FAM168A: variants seen among roughly 807,000 people sequenced by gnomAD.
FAM168A encodes protein FAM168A.
In FAM168A, 3 loss-of-function variants were observed where a neutral mutation model predicts 28.5. The ratio of observed to expected loss-of-function variants is 0.11; its 90% CI spans 0.05 to 0.27. The LOEUF (loss-of-function observed/expected upper bound fraction) is 0.27. Ranked by LOEUF, FAM168A falls within the 10% of genes least tolerant of loss-of-function variation. The pLI, the probability that FAM168A is intolerant of heterozygous loss-of-function variation, is 1.00. For synonymous variants in FAM168A, 122 were observed against 124.2 expected (o/e 0.98, Z 0.12); for missense variants, 222 against 311.5 (o/e 0.71, Z 2.16).
At chr11:73,448,104 G>A (rs1867355712) in intron 2 of FAM168A, among the ~76,000 whole-genome samples, 1 of 152,176 alleles carries the variant, frequency 6.6e-6, no homozygotes, top group Non-Finnish European at 1.5e-5. Context: ...GTGGAGTACA[G>A]TGATGTGGTC....
chr11:73,411,790 TATAAA>T (rs1866616272), intron 4 of FAM168A, among the ~76,000 whole-genome samples: 1 of 152,156 alleles, frequency 6.6e-6, no homozygotes, highest in Non-Finnish European at 1.5e-5. Context: ...GGCTCTCATC[TATAAA>T]ATAAGAGGCT....
At chr11:73,444,813 CAATG>C (rs1174489188) in intron 2 of FAM168A, among the ~76,000 whole-genome samples, 3 of 152,182 alleles carry the variant, frequency 2.0e-5, no homozygotes, top group African/African-American at 2.4e-5. Flanking sequence ...TGTTGAAAAA[CAATG>C]TATGTATGTT....
At chr11:73,432,784 G>C (rs1249819082) in intron 2 of FAM168A, among the ~76,000 whole-genome samples, 1 of 152,072 alleles carries the variant, frequency 6.6e-6, no homozygotes, top group Admixed American at 6.5e-5. Flanking sequence ...GTGTGGTAGC[G>C]TGTGCCTGTA....
Position 73,485,112 on chromosome 11 carries a change from A to T in FAM168A, c.-18-16620T>A, listed in dbSNP as rs1375473604. On this transcript the variant is annotated intron_variant, in intron 1 of 7. Transcript: ENST00000356467. Reference sequence around the variant, plus strand: ...TGCATCCTTCAATCCAATCAAGTTGACACTCAGTATTAACCATCACTTTTA... The same window carrying T: ...TGCATCCTTCAATCCAATCAAGTTGTCACTCAGTATTAACCATCACTTTTA... Among the ~76,000 whole-genome samples the T allele has an allele frequency of 3.3e-5, 5 of 152,326 alleles. No individual in the cohort carries two copies. The East Asian group carries it at 9.6e-4, about 29-fold the overall frequency.
chr11:73,581,492 A>G (rs898010293), intron 1 of FAM168A, among the ~76,000 whole-genome samples: 1 of 152,228 alleles, frequency 6.6e-6, no homozygotes, highest in Middle Eastern at 3.2e-3. Context: ...AGATTCACAG[A>G]GTACTTAAAC....
chr11:73,518,693 C>T (rs1347245587), intron 1 of FAM168A, among the ~76,000 whole-genome samples: 5 of 151,946 alleles, frequency 3.3e-5, no homozygotes, highest in African/African-American at 9.7e-5. Context: ...GTCAGGAGTT[C>T]GAAACCAGCC....
intron 2 of FAM168A, among the ~76,000 whole-genome samples, chr11:73,435,045 T>C (rs1008760666): frequency 5.3e-5 from 8 of 152,238 alleles, no homozygotes; most frequent in Non-Finnish European, 7.3e-5. Flanking sequence ...AATGAAAAGC[T>C]GGTTTTAAAA....
At chr11:73,535,578 C>A (rs985424858) in intron 1 of FAM168A, among the ~76,000 whole-genome samples, 2 of 151,838 alleles carry the variant, frequency 1.3e-5, no homozygotes, top group African/African-American at 4.8e-5. Context: ...CGCCACCACA[C>A]CCGGCTAATT....
chr11:73,506,846 T>C (rs1239530109), intron 1 of FAM168A, among the ~76,000 whole-genome samples: 3 of 152,106 alleles, frequency 2.0e-5, no homozygotes, highest in Non-Finnish European at 4.4e-5. Context: ...AACACAGATA[T>C]GCTAAATGAC....
intron 1 of FAM168A, among the ~76,000 whole-genome samples, chr11:73,513,270 C>T (rs550302344): frequency 2.2e-5 from 3 of 135,018 alleles, no homozygotes; most frequent in Admixed American, 8.5e-5. Flanking sequence ...AGTGCAGTGG[C>T]GCGATCTCAG....
chr11:73,535,843 G>A (rs1943572830), intron 1 of FAM168A, among the ~76,000 whole-genome samples: 1 of 149,958 alleles, frequency 6.7e-6, no homozygotes, highest in Non-Finnish European at 1.5e-5. Context: ...TTGCAGGTGT[G>A]AGCCACCACA....
At position 73,572,184 on chromosome 11, in the gene FAM168A, G is replaced by A. The variant is rs1590740621; in HGVS notation, c.-19+25739C>T. 2.1e-5 allele frequency among the ~76,000 whole-genome samples: 3 copies of A among 146,088 alleles called. No individual in the cohort carries two copies. The South Asian group carries it at 6.6e-4, about 32-fold the overall frequency. On this transcript the variant is annotated intron_variant, in intron 1 of 7. Transcript: ENST00000356467. Reference sequence around the variant, plus strand: ...GTGGGGGTCAGCCCCTGCCCGGCCAGCCGCCCCGTCCGGGAGGGAGGTCAG... The same window carrying A: ...GTGGGGGTCAGCCCCTGCCCGGCCAACCGCCCCGTCCGGGAGGGAGGTCAG...
At chr11:73,585,593 C>T (rs2134740736) in intron 1 of FAM168A, among the ~76,000 whole-genome samples, 1 of 152,236 alleles carries the variant, frequency 6.6e-6, no homozygotes, top group African/African-American at 2.4e-5. Flanking sequence ...CCTGGCCAGG[C>T]GTAGTGGCTC....
rs780352326 is a variant in FAM168A at position 73,420,019 on chromosome 11, A to G, written c.152-20T>C. Reference sequence around the variant, plus strand: ...GAGTTGCTTAAGGGAAGACACAAGAATGGCATTAGACAGAAATAAGAAGTG... The same window carrying G: ...GAGTTGCTTAAGGGAAGACACAAGAGTGGCATTAGACAGAAATAAGAAGTG... On this transcript the variant is annotated intron_variant, in intron 3 of 7. Transcript: ENST00000356467. 54 of 1,612,174 alleles carry G rather than the reference A, an allele frequency of 3.3e-5. No individual in the cohort carries two copies. In the Admixed American group the frequency reaches 8.8e-4, roughly 26 times the overall value.
intron 2 of FAM168A, among the ~76,000 whole-genome samples, chr11:73,439,589 C>T (rs1477133261): frequency 6.6e-6 from 1 of 152,018 alleles, no homozygotes; most frequent in African/African-American, 2.4e-5. Flanking sequence ...TGCCTCAGGA[C>T]AATTTTTTTT....
At chr11:73,408,953 C>G (rs1231401120) in intron 6 of FAM168A, among the ~76,000 whole-genome samples, 1 of 151,998 alleles carries the variant, frequency 6.6e-6, no homozygotes, top group African/African-American at 2.4e-5. Context: ...TCATCTCTCT[C>G]CCCTAAAGTA....
At chr11:73,544,997 TATATA>T (rs1323053434) in intron 1 of FAM168A, among the ~76,000 whole-genome samples, 3 of 88,688 alleles carry the variant, frequency 3.4e-5, no homozygotes, top group East Asian at 2.3e-4. Context: ...ATATATAGTA[TATATA>T]ATATACTATA....
chr11:73,573,133 A>C (rs1027188682), intron 1 of FAM168A, among the ~76,000 whole-genome samples: 2 of 152,226 alleles, frequency 1.3e-5, no homozygotes, highest in African/African-American at 4.8e-5. Context: ...GGATTCATGC[A>C]CAATAATCGC....
chr11:73,436,420 G>A (rs192713237), intron 2 of FAM168A, among the ~76,000 whole-genome samples: 32 of 152,138 alleles, frequency 2.1e-4, no homozygotes, highest in African/African-American at 7.5e-4. Flanking sequence ...GTGAGCAGGA[G>A]AATACTTAGG....
Sources: gnomAD v4.1 joint callset for allele counts (sites outside exome capture counted in the v4.1 genomes callset) on GRCh38, gnomAD v4.1.1 for gene constraint, MANE v1.5 for transcripts, NCBI Gene and HGNC (gene_info 2026-07-23, HGNC 2026-07-21) for gene names.